Variants in BIRC6 observed in about 807,000 individuals in gnomAD.
The protein encoded by BIRC6 is baculoviral IAP repeat containing 6, also known as dual E2 ubiquitin-conjugating enzyme/E3 ubiquitin-protein ligase BIRC6.
Under a neutral mutation model 503.3 loss-of-function variants are expected in BIRC6, and 98 were observed. The observed-to-expected ratio is 0.19, with a 90% CI of 0.17 to 0.23. BIRC6 has a LOEUF of 0.23. Ranked by LOEUF, BIRC6 falls within the 10% of genes least tolerant of loss-of-function variation. BIRC6 has a pLI of 1.00. For missense variants in BIRC6, 5,360 were observed against 5,806.0 expected (o/e 0.92, Z 2.50); for synonymous variants, 2,240 against 2,078.7 (o/e 1.08, Z -2.11).
In BIRC6 at chr2:32,543,228, TC is replaced by T; in HGVS notation, c.12292-12del. On this transcript the variant is annotated splice_polypyrimidine_tract_variant and intron_variant, in intron 61 of 73. Coordinates refer to ENST00000421745, the MANE Select transcript of BIRC6 (RefSeq NM_016252.4). ...ATGTGAATGGCCAAGCCAACACTTT[TC>T]TTTTTCTTTAGGTGAGTGCTCCAGT... The T allele has an allele frequency of 6.2e-7, 1 of 1,609,272 alleles. No individual in the cohort carries two copies. The highest frequency in any genetic ancestry group is 8.5e-7 in the Non-Finnish European group (1 of 1,176,454).
At chr2:32,523,638 C>T (rs894176962) in intron 57 of BIRC6, 2 of 152,300 alleles carry the variant, frequency 1.3e-5, no homozygotes, top group Admixed American at 1.3e-4. Context: ...AAATTGAAAT[C>T]ACTTTCATAT....
chr2:32,412,971 T>C (rs896710659), intron 9 of BIRC6, among the ~76,000 whole-genome samples: 1 of 151,996 alleles, frequency 6.6e-6, no homozygotes, highest in African/African-American at 2.4e-5. Flanking sequence ...AAGGTTTTGC[T>C]CACAAATTGC....
At chr2:32,474,839 A>G (rs925084565) in intron 33 of BIRC6, among the ~76,000 whole-genome samples, 4 of 152,222 alleles carry the variant, frequency 2.6e-5, no homozygotes, top group Non-Finnish European at 4.4e-5. Context: ...TTATGTGTAC[A>G]TGCTAGTTTT....
intron 9 of BIRC6, among the ~76,000 whole-genome samples, chr2:32,408,845 T>C (rs1049133607): frequency 6.6e-6 from 1 of 152,206 alleles, no homozygotes; most frequent in Non-Finnish European, 1.5e-5. Context: ...AGTTCAAAAT[T>C]TTTAATTGCC....
At chr2:32,573,780 T>C (rs2060075187) in intron 65 of BIRC6, among the ~76,000 whole-genome samples, 1 of 152,186 alleles carries the variant, frequency 6.6e-6, no homozygotes, top group Non-Finnish European at 1.5e-5. Flanking sequence ...TTTATTGAAA[T>C]AGACTCTGGA....
chr2:32,561,908 G>A (rs1034439619), intron 65 of BIRC6, among the ~76,000 whole-genome samples: 1 of 151,770 alleles, frequency 6.6e-6, no homozygotes, highest in Non-Finnish European at 1.5e-5. Flanking sequence ...CAGGCGTGGT[G>A]GTGGGCCCCT....
At chr2:32,446,738 G>GTTTTTTTTTTTTT (rs58232090) in intron 21 of BIRC6, among the ~76,000 whole-genome samples, 23 of 34,862 alleles carry the variant, frequency 6.6e-4, no homozygotes, top group East Asian at 1.4e-3. Context: ...CCTCTGCGCT[G>GTTTTTTTTTTTTT]TTTTTTTTTT....
At position 32,435,523 on chromosome 2, in the gene BIRC6, G is replaced by C. The variant is rs1385138429; in HGVS notation, c.3437G>C (p.Gly1146Ala). 3.9e-6 allele frequency: 6 copies of C among 1,554,280 alleles called. No homozygotes were observed. Among genetic ancestry groups the C allele is most frequent in the Non-Finnish European group, 5.2e-6 (6 of 1,147,946 alleles). ...CTTAACATTGAAGTGGAACAAAATG[G>C]GAAACCGTCCCTGGTTGATTTGAAT... Reference protein sequence around the residue: ...NALNIEVEQNGKPSLVDLNEE... With the variant: ...NALNIEVEQNAKPSLVDLNEE... The change falls in exon 14 of 74, where the codon GGG becomes GCG. Residue 1146 changes from glycine to alanine, a missense_variant. Coordinates refer to ENST00000421745, the MANE Select transcript of BIRC6 (RefSeq NM_016252.4).
At position 32,537,820 on chromosome 2, in the gene BIRC6, G is replaced by T. The variant is rs556936238; in HGVS notation, c.12292-5421G>T. ...TCTCTACTAAAAATACAAAAAATTA[G>T]CCGGGCGGGGTGGCAGGTGCCTGTA... On this transcript the variant is annotated intron_variant, in intron 61 of 73. Coordinates refer to ENST00000421745, the MANE Select transcript of BIRC6 (RefSeq NM_016252.4). 4.3e-4 allele frequency among the ~76,000 whole-genome samples: 65 copies of T among 152,162 alleles called. No individual in the cohort carries two copies. In the East Asian group the frequency reaches 0.01, roughly 24 times the overall value.
At chr2:32,512,668 A>T (rs971169107) in intron 53 of BIRC6, among the ~76,000 whole-genome samples, 5 of 152,186 alleles carry the variant, frequency 3.3e-5, no homozygotes, top group African/African-American at 1.2e-4. Flanking sequence ...ATGAAGAATT[A>T]GTCCCAGATC....
intron 59 of BIRC6, chr2:32,527,315 T>A (rs140939434): frequency 7.9e-5 from 12 of 152,328 alleles, no homozygotes; most frequent in East Asian, 7.7e-4. Context: ...TTCCTTGATA[T>A]CACCCAATTC....
intron 3 of BIRC6, among the ~76,000 whole-genome samples, chr2:32,382,936 C>G (rs2037895299): frequency 6.6e-6 from 1 of 152,044 alleles, no homozygotes; most frequent in African/African-American, 2.4e-5. Flanking sequence ...GTTGGTCAGG[C>G]TGGTCTCGAA....
intron 21 of BIRC6, among the ~76,000 whole-genome samples, chr2:32,445,987 A>G (rs892944364): frequency 2.0e-5 from 3 of 151,832 alleles, no homozygotes; most frequent in African/African-American, 7.3e-5. Context: ...CCTCCCGAGT[A>G]GCTGGGATTA....
Position 32,493,638 on chromosome 2 carries a change from C to A in BIRC6, c.8439C>A (p.Leu2813=). Residue 2813 remains leucine (L), a synonymous_variant, in exon 45 of 74, where the codon CTC becomes CTA. Transcript: ENST00000421745. ...CTCAGATATTCAGTGAATTTTTGCT[C>A]AAGCTAATTCATATACTTTCAACTG... ...TCPQIFSEFL[L]KLIHILSTER... is the part of the protein sequence containing the mutation. The A allele has an allele frequency of 6.2e-7, 1 of 1,607,298 alleles. No individual in the cohort carries two copies. Among genetic ancestry groups the A allele is most frequent in the East Asian group, 2.2e-5 (1 of 44,704 alleles).
chr2:32,471,236 C>T lies in BIRC6; in HGVS notation c.6592+112C>T. 3.0e-6 allele frequency: 4 copies of T among 1,354,498 alleles called. No individual in the cohort carries two copies. The South Asian group carries it at 5.6e-5, about 19-fold the overall frequency. 83.9% of individuals were successfully genotyped at this position (1,354,498 alleles called of 1,614,324 possible). ...AGAACTGGCTATTGGCCTGGAGCTA[C>T]CAGCTGTATGTAATTTAAGGAAAAT... On this transcript the variant is annotated intron_variant, in intron 32 of 73. Coordinates refer to ENST00000421745, the MANE Select transcript of BIRC6 (RefSeq NM_016252.4).
At position 32,439,514 on chromosome 2, in the gene BIRC6, C is replaced by G; in HGVS notation, c.3638C>G (p.Ala1213Gly). Residue 1213 changes from alanine (A) to glycine (G), a missense_variant, in exon 16 of 74, where the codon GCA becomes GGA. By Grantham distance (60) the Ala-to-Gly change is moderately conservative. Transcript: ENST00000421745. ...LTSPKLVKGM[A>G]GGKYRSFLIH... Reference sequence around the variant, plus strand: ...TTCTACTCCACTTCTCTAGGTATGGCAGGAGGAAAATATCGTTCGTTTTTA... The same window carrying G: ...TTCTACTCCACTTCTCTAGGTATGGGAGGAGGAAAATATCGTTCGTTTTTA... The G allele has an allele frequency of 6.2e-7, 1 of 1,612,644 alleles. No individual in the cohort carries two copies.
chr2:32,595,862 A>G (rs1003745898), intron 68 of BIRC6, among the ~76,000 whole-genome samples: 9 of 152,208 alleles, frequency 5.9e-5, no homozygotes, highest in Non-Finnish European at 1.3e-4. Context: ...ACAAGAGATA[A>G]TATATATGAA....
chr2:32,616,872 A>G (rs2151822197), intron 73 of BIRC6, among the ~76,000 whole-genome samples: 1 of 152,296 alleles, frequency 6.6e-6, no homozygotes, highest in Middle Eastern at 3.4e-3. Context: ...TGGGAGGCCA[A>G]GGCAGGTGGA....
In BIRC6 at chr2:32,607,883, G is replaced by A. The variant is rs563131909; in HGVS notation, c.14259+240G>A. 2.8e-3 allele frequency among the ~76,000 whole-genome samples: 397 copies of A among 143,542 alleles called. 3 individuals carry two copies. The South Asian group carries it at 0.033, about 12-fold the overall frequency. 94.2% of individuals were successfully genotyped at this position (143,542 alleles called of 152,430 possible). On this transcript the variant is annotated intron_variant, in intron 72 of 73. Transcript: ENST00000421745. ...GCCTGTAATCTCAGCTACTTGGAACGTGAGGTTGAACCTGGGAGGCGGAAG... is the reference window on the plus strand; with the variant it reads ...GCCTGTAATCTCAGCTACTTGGAACATGAGGTTGAACCTGGGAGGCGGAAG...
Sources: gnomAD v4.1 joint callset for allele counts (sites outside exome capture counted in the v4.1 genomes callset) on GRCh38, gnomAD v4.1.1 for gene constraint, MANE v1.5 for transcripts, NCBI Gene and HGNC (gene_info 2026-07-23, HGNC 2026-07-21) for gene names.